Variants in TRPT1 observed in about 807,000 individuals in gnomAD.
TRPT1 encodes tRNA 2'-phosphotransferase 1.
Under a neutral mutation model 28.4 loss-of-function variants are expected in TRPT1, and 22 were observed. The ratio of observed to expected loss-of-function variants is 0.78; its 90% CI spans 0.55 to 1.11. The LOEUF (loss-of-function observed/expected upper bound fraction) is 1.11. Among genes scored for constraint, TRPT1 ranks in the 50% least tolerant of loss-of-function variants. The probability of loss-of-function intolerance (pLI) is 0.00; values close to 1 mark genes in which losing one functional copy is unlikely to be tolerated. For missense variants in TRPT1, 308 were observed against 317.7 expected (o/e 0.97, Z 0.23); for synonymous variants, 137 against 132.4 (o/e 1.03, Z -0.24).
At chr11:64,225,991 C>T (rs1946993200) in intron 1 of TRPT1, 59 bp downstream of exon 1, 1 of 641,334 alleles carries the variant, frequency 1.6e-6, no homozygotes, top group Non-Finnish European at 2.8e-6. Flanking sequence ...TCATTAAGTT[C>T]ACCACCCCCA....
chr11:64,225,250 C>A, intron 3 of TRPT1: 1 of 609,008 alleles, frequency 1.6e-6, no homozygotes, highest in Non-Finnish European at 2.9e-6. Flanking sequence ...AGGGCTCGCC[C>A]TCGGGGTAAG....
chr11:64,225,807 C>T lies in TRPT1; in HGVS notation c.54G>A (p.Arg18=). The stretch of plus-strand genomic sequence containing the variant: ...GCACCTGTTCTCGGGGTCTGGGAGC[C>T]CTTCTACCCCTGGACCCTGCTGCTT... ...RQEAAGSRGR[R]APRPREQDRD... The change falls in exon 2 of 8, where the codon AGG becomes AGA. Residue 18 remains arginine, a synonymous_variant. Coordinates refer to ENST00000317459, the MANE Select transcript of TRPT1 (RefSeq NM_001033678.4). 1.9e-6 allele frequency: 3 copies of T among 1,553,920 alleles called. No homozygotes were observed. Among genetic ancestry groups the T allele is most frequent in the African/African-American group, 1.4e-5 (1 of 73,658 alleles).
chr11:64,224,085 G>A lies in TRPT1; in HGVS notation c.670+15C>T. On this transcript the variant is annotated intron_variant, in intron 7 of 7. Coordinates refer to ENST00000317459, the MANE Select transcript of TRPT1 (RefSeq NM_001033678.4). ...TTCAGGAACAAGGAATAGGGGCTGG[G>A]GTGGTGGTTCTCACGGGTAGGGCGT... 6.2e-7 allele frequency: 1 copy of A among 1,603,356 alleles called. No homozygotes were observed.
At chr11:64,226,203 C>A, upstream of TRPT1, 1 of 280,960 alleles carries the variant, frequency 3.6e-6, no homozygotes, top group South Asian at 7.0e-5. Flanking sequence ...CCAGGATCCT[C>A]GACCGCGGCG....
Position 64,224,170 on chromosome 11 carries a change from C to T in TRPT1, c.600G>A (p.Leu200=). 1 of 1,607,020 alleles carries T rather than the reference C, an allele frequency of 6.2e-7. No homozygotes were observed. Among genetic ancestry groups the T allele is most frequent in the Admixed American group, 1.7e-5 (1 of 59,662 alleles). The part of the protein sequence containing the change: ...PFFRSANGVI[L]TPGNTDGFLL... Reference sequence around the variant, plus strand: ...GGAAGCCATCAGTATTCCCTGGAGTCAGAATCACCCCATTGGCAGAGCGGA... The same window carrying T: ...GGAAGCCATCAGTATTCCCTGGAGTTAGAATCACCCCATTGGCAGAGCGGA... The change falls in exon 7 of 8, where the codon CTG becomes CTA. Residue 200 remains leucine (L), a synonymous_variant. Transcript: ENST00000317459.
At position 64,225,827 on chromosome 11, in the gene TRPT1, C is replaced by T. The variant is rs1946977973; in HGVS notation, c.34G>A (p.Ala12Thr). 1.3e-6 allele frequency: 2 copies of T among 1,555,464 alleles called. No individual in the cohort carries two copies. Among genetic ancestry groups the T allele is most frequent in the Non-Finnish European group, 8.7e-7 (1 of 1,148,768 alleles). The change falls in exon 2 of 8, where the codon GCA becomes ACA. Residue 12 changes from alanine (A) to threonine (T), a missense_variant. Transcript: ENST00000317459. ...GGAGCCCTTCTACCCCTGGACCCTGCTGCTTCCTGCCTCCCTCCTCCAGAG... is the reference window on the plus strand; with the variant it reads ...GGAGCCCTTCTACCCCTGGACCCTGTTGCTTCCTGCCTCCCTCCTCCAGAG... ...NFSGGGRQEA[A>T]GSRGRRAPRP...
chr11:64,225,866 A>G lies in TRPT1; in HGVS notation c.-6T>C, dbSNP rs1388274834. ...CCTCCTCCAGAGAAGTTCATGGTTA[A>G]GACCTGTGGGGGGCAGTGACGAGGG... On this transcript the variant is annotated 5_prime_UTR_variant, in exon 2 of 8. Transcript: ENST00000317459. 3 of 1,551,714 alleles carry G rather than the reference A, an allele frequency of 1.9e-6. No individual in the cohort carries two copies. The highest frequency in any genetic ancestry group is 1.7e-6 in the Non-Finnish European group (2 of 1,146,092).
At chr11:64,226,224 T>G, upstream of TRPT1, 3 of 309,902 alleles carry the variant, frequency 9.7e-6, no homozygotes, top group East Asian at 7.1e-5. Flanking sequence ...GACCCGCCAA[T>G]GAAAAGCCGC....
chr11:64,226,204 G>C, upstream of TRPT1: 1 of 392,026 alleles, frequency 2.6e-6, no homozygotes, highest in Non-Finnish European at 4.4e-6. Flanking sequence ...CAGGATCCTC[G>C]ACCGCGGCGG....
chr11:64,224,540 G>T lies in TRPT1; in HGVS notation c.502+3C>A. ...GTAGCTAGGTGGAGGGGAGGGCACT[G>T]ACCACTGATGATACCGGGGTCTCCA... On this transcript the variant is annotated splice_donor_region_variant and intron_variant, in intron 5 of 7. Transcript: ENST00000317459. 1 of 1,563,336 alleles carries T rather than the reference G, an allele frequency of 6.4e-7. No homozygotes were observed. Among genetic ancestry groups the T allele is most frequent in the South Asian group, 1.2e-5 (1 of 82,572 alleles).
At position 64,225,006 on chromosome 11, in the gene TRPT1, C is replaced by T. The variant is rs552919063; in HGVS notation, c.158-36G>A. 5 of 1,542,358 alleles carry T rather than the reference C, an allele frequency of 3.2e-6. No individual in the cohort carries two copies. In the East Asian group the frequency reaches 7.3e-5, roughly 23 times the overall value. ...GCAGGGTGCTCAGGAGCTAACCTTG[C>T]TCTGGACTGGGCCAGGGTTAACAGG... On this transcript the variant is annotated intron_variant, in intron 3 of 7. Coordinates refer to ENST00000317459, the MANE Select transcript of TRPT1 (RefSeq NM_001033678.4).
In TRPT1 at chr11:64,224,265, C is replaced by T. The variant is rs1440028307; in HGVS notation, c.559+20G>A. The T allele has an allele frequency of 6.2e-7, 1 of 1,613,900 alleles. No individual in the cohort carries two copies. Among genetic ancestry groups the T allele is most frequent in the Non-Finnish European group, 8.5e-7 (1 of 1,180,012 alleles). ...GCCCTCCCCGAAGGCAAGGGCAGCT[C>T]CTGCTTTGTCCAGACTCACCTGCCA... On this transcript the variant is annotated intron_variant, in intron 6 of 7. Coordinates refer to ENST00000317459, the MANE Select transcript of TRPT1 (RefSeq NM_001033678.4).
chr11:64,224,866 C>T lies in TRPT1; in HGVS notation c.262G>A (p.Ala88Thr), dbSNP rs189409313. 1.4e-5 allele frequency: 23 copies of T among 1,612,578 alleles called. No individual in the cohort carries two copies. The highest frequency in any genetic ancestry group is 1.8e-5 in the Non-Finnish European group (21 of 1,179,668). ...VVDTNRKQRF[A>T]LQLGDPSTGL... Reference sequence around the variant, plus strand: ...GTGCTGGGATCCCCCAGCTGCAGGGCGAACCGCTGCTTCCTATTGGTGTCC... The same window carrying T: ...GTGCTGGGATCCCCCAGCTGCAGGGTGAACCGCTGCTTCCTATTGGTGTCC... The change falls in exon 4 of 8, where the codon GCC becomes ACC. Residue 88 changes from alanine to threonine, a missense_variant. Ala to Thr is a moderately conservative substitution (Grantham distance 58). Coordinates refer to ENST00000317459, the MANE Select transcript of TRPT1 (RefSeq NM_001033678.4).
rs913243115 is a variant in TRPT1 at position 64,223,833 on chromosome 11, T to G, written c.*43A>C. On this transcript the variant is annotated 3_prime_UTR_variant, in exon 8 of 8. Coordinates refer to ENST00000317459, the MANE Select transcript of TRPT1 (RefSeq NM_001033678.4). The stretch of plus-strand genomic sequence containing the variant: ...ATGAAACATGGTTTCAAACGAGTTC[T>G]TTCTTGTTACTTTTTAAAATTTCTT... 1.8e-5 allele frequency: 24 copies of G among 1,364,002 alleles called. No homozygotes were observed. In the African/African-American group the frequency reaches 1.8e-4, roughly 10 times the overall value. The allele number at this position is 1,364,002 out of a possible 1,614,324, so 84.5% of individuals were successfully genotyped here.
intron 3 of TRPT1, chr11:64,225,231 G>A (rs1396304278): frequency 6.6e-6 from 4 of 609,932 alleles, no homozygotes; most frequent in East Asian, 5.6e-5. Flanking sequence ...CAGCTGCACC[G>A]TATCCTCCAG....
chr11:64,225,356 G>A (rs1322640612), intron 3 of TRPT1, 143 bp downstream of exon 3: 1 of 684,596 alleles, frequency 1.5e-6, no homozygotes. Flanking sequence ...GGGGCTCTAG[G>A]CCTTGCTCTC....
chr11:64,224,123 T>TC lies in TRPT1; in HGVS notation c.646dup (p.Glu216GlyfsTer17). ...ACGGGTAGGGCGTAGCTGCAGGGCCTCCTTGAAGTACTTGGGAAGGAGGAA... is the reference window on the plus strand; with the variant it reads ...ACGGGTAGGGCGTAGCTGCAGGGCCTCCCTTGAAGTACTTGGGAAGGAGGAA... On this transcript the variant is annotated frameshift_variant, in exon 7 of 8. Coordinates refer to ENST00000317459, the MANE Select transcript of TRPT1 (RefSeq NM_001033678.4). LOFTEE classifies it high-confidence loss of function. 1 of 1,607,722 alleles carries TC rather than the reference T, an allele frequency of 6.2e-7. No homozygotes were observed. Among genetic ancestry groups the TC allele is most frequent in the Non-Finnish European group, 8.5e-7 (1 of 1,175,794 alleles).
Position 64,224,215 on chromosome 11 carries a change from T to G in TRPT1, c.560-5A>C. Reference sequence around the variant, plus strand: ...AGCGGAAGAAGGGTATTCCATCTGCTGACAGAGCCAGAGATGTGACTCATG... The same window carrying G: ...AGCGGAAGAAGGGTATTCCATCTGCGGACAGAGCCAGAGATGTGACTCATG... On this transcript the variant is annotated splice_polypyrimidine_tract_variant and splice_region_variant and intron_variant, in intron 6 of 7. Transcript: ENST00000317459. 6.2e-7 allele frequency: 1 copy of G among 1,612,792 alleles called. No homozygotes were observed.
At chr11:64,225,405 C>T (rs1352394940) in intron 3 of TRPT1, 94 bp downstream of exon 3, 7 of 1,065,534 alleles carry the variant, frequency 6.6e-6, no homozygotes, top group Admixed American at 4.3e-5. Flanking sequence ...GTGCCTTCCT[C>T]AGGGAGCGGT....
Sources: allele counts gnomAD v4.1 joint callset, GRCh38; gene constraint gnomAD v4.1.1; transcripts MANE v1.5; gene names NCBI Gene and HGNC (gene_info 2026-07-23, HGNC 2026-07-21).